The following WDR59 variants were observed in gnomAD, a reference collection of about 807,000 sequenced individuals.
The protein encoded by WDR59 is WD repeat domain 59, also known as GATOR2 complex protein WDR59.
In WDR59, 100 loss-of-function variants were observed where a neutral mutation model predicts 131.2. The ratio of observed to expected loss-of-function variants is 0.76; its 90% CI spans 0.65 to 0.90. The LOEUF is 0.90. Among genes scored for constraint, WDR59 ranks in the 40% least tolerant of loss-of-function variants. The pLI, the probability that WDR59 is intolerant of heterozygous loss-of-function variation, is 0.00. For synonymous variants in WDR59, 601 were observed against 466.2 expected, an observed-to-expected ratio of 1.29 and a Z score of -3.72; for missense variants, 1,203 against 1,262.2, an observed-to-expected ratio of 0.95 and a Z score of 0.71.
intron 10 of WDR59, among the ~76,000 whole-genome samples, chr16:74,919,276 G>A (rs532020318): frequency 6.6e-6 from 1 of 151,358 alleles, no homozygotes; most frequent in Non-Finnish European, 1.5e-5. Context: ...CCCTGTTCAT[G>A]CCACCCTATG....
intron 3 of WDR59, among the ~76,000 whole-genome samples, chr16:74,951,871 G>A (rs1008358277): frequency 6.6e-6 from 1 of 152,162 alleles, no homozygotes; most frequent in Admixed American, 6.6e-5. Flanking sequence ...CCGGCCACTA[G>A]AGGAACCTCC....
chr16:74,924,268 A>G (rs1236313450), intron 8 of WDR59, among the ~76,000 whole-genome samples: 1 of 152,190 alleles, frequency 6.6e-6, no homozygotes, highest in Admixed American at 6.5e-5. Flanking sequence ...TTGATTACGA[A>G]ATGACCTTTA....
intron 4 of WDR59, chr16:74,950,027 T>G: frequency 1.8e-6 from 1 of 567,254 alleles, no homozygotes; most frequent in Non-Finnish European, 3.4e-6. Context: ...AGAAAAGAAA[T>G]GGAGTGCTTC....
At position 74,884,974 on chromosome 16, in the gene WDR59, G is replaced by A. The variant is rs546333819; in HGVS notation, c.2689+679C>T. Among the ~76,000 whole-genome samples the A allele has an allele frequency of 2.0e-4, 30 of 152,206 alleles. 1 individual carries two copies. The South Asian group carries it at 4.4e-3, about 22-fold the overall frequency. ...CCCCACATCGTTTCTGTTTGCTTGC[G>A]AATATTTATCACAATTTGAAATTAC... is the stretch of plus-strand genomic sequence containing the variant. On this transcript the variant is annotated intron_variant, in intron 25 of 25. Coordinates refer to ENST00000262144, the MANE Select transcript of WDR59 (RefSeq NM_030581.4).
In WDR59 at chr16:74,874,245, C is replaced by A; in HGVS notation, c.2889G>T (p.Gly963=). 6.2e-7 allele frequency: 1 copy of A among 1,614,178 alleles called. No individual in the cohort carries two copies. The highest frequency in any genetic ancestry group is 1.1e-5 in the South Asian group (1 of 91,088). Residue 963 remains glycine, a synonymous_variant, in exon 26 of 26, where the codon GGG becomes GGT. Transcript: ENST00000262144. ...TTTCAAGCAGGCAGTGGCACCCACA[C>A]CCGGTGGGACACACCTCCTGGGTCC... ...WFRTQEVCPT[G]CGCHCLLEST...
chr16:74,900,677 G>A (rs1294372345), intron 18 of WDR59, among the ~76,000 whole-genome samples: 1 of 152,138 alleles, frequency 6.6e-6, no homozygotes, highest in Non-Finnish European at 1.5e-5. Context: ...AAAATTTTTA[G>A]GAGCAAAGCT....
rs115900657 is a variant in WDR59, at chr16:74,917,119, G to A, written c.966+810C>T. ...AAATTTAGCCATCAAATGAGGAGAG[G>A]ACAGAACCCTGTGATAAGGCAGAGC... is the stretch of plus-strand genomic sequence containing the variant. On this transcript the variant is annotated intron_variant, in intron 11 of 25. Transcript: ENST00000262144. Among the ~76,000 whole-genome samples the A allele has an allele frequency of 1.1e-3, 173 of 152,264 alleles. 1 individual carries two copies. Among genetic ancestry groups the A allele is most frequent in the African/African-American group, 4.1e-3 (170 of 41,548 alleles).
intron 6 of WDR59, 85 bp from the exon 7 acceptor site, chr16:74,942,911 G>A (rs974840113): frequency 5.3e-5 from 65 of 1,237,140 alleles, no homozygotes; most frequent in Middle Eastern, 4.9e-4. Flanking sequence ...GCTGGATAAT[G>A]AGTTCTGGCT....
At chr16:74,874,482 A>T in intron 25 of WDR59, 38 bp from the exon 26 acceptor site, 1 of 1,595,182 alleles carries the variant, frequency 6.3e-7, no homozygotes. Context: ...AAGAGGCAGC[A>T]TGAGTTTAGT....
intron 10 of WDR59, among the ~76,000 whole-genome samples, chr16:74,920,201 T>C (rs2030056239): frequency 6.6e-6 from 1 of 152,176 alleles, no homozygotes; most frequent in Non-Finnish European, 1.5e-5. Flanking sequence ...TTTTTTGACT[T>C]TATGATGGCG....
chr16:74,922,489 C>A (rs1567723270), intron 9 of WDR59, among the ~76,000 whole-genome samples: 1 of 152,186 alleles, frequency 6.6e-6, no homozygotes, highest in African/African-American at 2.4e-5. Flanking sequence ...AGGGAAAATC[C>A]CTGGAGCAGC....
At chr16:74,939,328 C>T (rs1175166044) in intron 7 of WDR59, among the ~76,000 whole-genome samples, 4 of 151,934 alleles carry the variant, frequency 2.6e-5, no homozygotes, top group African/African-American at 9.7e-5. Context: ...ATCTGAAACA[C>T]TAGAAAACCA....
At chr16:74,933,445 G>A (rs1301100964) in intron 8 of WDR59, among the ~76,000 whole-genome samples, 1 of 150,380 alleles carries the variant, frequency 6.6e-6, no homozygotes, top group Non-Finnish European at 1.5e-5. Flanking sequence ...GTTACTTTTT[G>A]TGTTTTTCAT....
chr16:74,933,942 T>G (rs1258298648), intron 8 of WDR59, among the ~76,000 whole-genome samples: 1 of 152,242 alleles, frequency 6.6e-6, no homozygotes, highest in African/African-American at 2.4e-5. Flanking sequence ...AGGTCCTATG[T>G]TCAAAATAAT....
chr16:74,951,577 A>T, intron 3 of WDR59, 34 bp from the exon 4 acceptor site: 1 of 1,544,450 alleles, frequency 6.5e-7, no homozygotes, highest in Non-Finnish European at 8.8e-7. Flanking sequence ...ACAGGCAAGT[A>T]TGTTGGGATA....
At chr16:74,949,649 A>C (rs2032878062) in intron 5 of WDR59, 69 bp downstream of exon 5, 29 of 1,420,988 alleles carry the variant, frequency 2.0e-5, no homozygotes, top group Non-Finnish European at 2.9e-5. Flanking sequence ...AAACTAAGAC[A>C]CTTGATCTCT....
chr16:74,925,899 T>C (rs976439683), intron 8 of WDR59, among the ~76,000 whole-genome samples: 1 of 151,222 alleles, frequency 6.6e-6, no homozygotes, highest in African/African-American at 2.4e-5. Flanking sequence ...GTGGGAGGAA[T>C]GATTGAGTCA....
Position 74,895,524 on chromosome 16 carries a change from A to T in WDR59, c.1867-1712T>A, listed in dbSNP as rs544984701. Among the ~76,000 whole-genome samples, 27 of 152,254 alleles carry T rather than the reference A, an allele frequency of 1.8e-4. No individual in the cohort carries two copies. The South Asian group carries it at 5.6e-3, about 32-fold the overall frequency. ...GTGATTCACCCACCTTGGCCTCCCA[A>T]AATGCTAAGATTACAGGCATGAGCC... On this transcript the variant is annotated intron_variant, in intron 18 of 25. Transcript: ENST00000262144.
Position 74,872,052 on chromosome 16 carries a change from T to C in WDR59, c.*2157A>G, listed in dbSNP as rs1199215432. 1 of 152,414 alleles carries C rather than the reference T, an allele frequency of 6.6e-6. No homozygotes were observed. Among genetic ancestry groups the C allele is most frequent in the South Asian group, 2.1e-4 (1 of 4,834 alleles). 9.4% of individuals were successfully genotyped at this position (152,414 alleles called of 1,614,324 possible). On this transcript the variant is annotated 3_prime_UTR_variant, in exon 26 of 26. Coordinates refer to ENST00000262144, the MANE Select transcript of WDR59 (RefSeq NM_030581.4). ...TTCAGTAAGAAATGAATTTACGCTA[T>C]GATCCGGTATACACCTGTGCACACA...
Sources: gnomAD v4.1 joint callset for allele counts (sites outside exome capture counted in the v4.1 genomes callset) on GRCh38, gnomAD v4.1.1 for gene constraint, MANE v1.5 for transcripts, NCBI Gene and HGNC (gene_info 2026-07-23, HGNC 2026-07-21) for gene names.